The following KHDRBS1 variants were observed in gnomAD, a reference collection of about 807,000 sequenced individuals.
The protein encoded by KHDRBS1 is KH domain-containing, RNA-binding, signal transduction-associated protein 1.
KHDRBS1 carries 7 observed loss-of-function variants against 48.4 expected under a neutral mutation model. The observed-to-expected ratio is 0.14, with a 90% CI of 0.08 to 0.27. The LOEUF is 0.27. Ranked by LOEUF, KHDRBS1 falls within the 10% of genes least tolerant of loss-of-function variation. The pLI, the probability that KHDRBS1 is intolerant of heterozygous loss-of-function variation, is 1.00. For synonymous variants in KHDRBS1, 241 were observed against 235.8 expected, an observed-to-expected ratio of 1.02 and a Z score of -0.20; for missense variants, 458 against 601.2, an observed-to-expected ratio of 0.76 and a Z score of 2.49.
At chr1:32,039,661 C>CA (rs2124387159) in intron 8 of KHDRBS1, 88 bp downstream of exon 8, 1 of 785,556 alleles carries the variant, frequency 1.3e-6, no homozygotes, top group Admixed American at 1.8e-5. Flanking sequence ...GTCAGACAAA[C>CA]ACACCTACGG....
downstream of KHDRBS1, among the ~76,000 whole-genome samples, chr1:32,045,831 T>A (rs1639349887): frequency 6.6e-6 from 1 of 152,228 alleles, no homozygotes; most frequent in Admixed American, 6.5e-5. Flanking sequence ...AAACAAGGAC[T>A]GGCTCCTTGG....
chr1:32,019,287 C>A (rs547311750), intron 1 of KHDRBS1, among the ~76,000 whole-genome samples: 1 of 151,982 alleles, frequency 6.6e-6, no homozygotes, highest in African/African-American at 2.4e-5. Flanking sequence ...CAGTTTCTCA[C>A]GCCTGTAATC....
At position 32,032,909 on chromosome 1, in the gene KHDRBS1, C is replaced by T. The variant is rs544276836; in HGVS notation, c.625-279C>T. Among the ~76,000 whole-genome samples, 111 of 152,268 alleles carry T rather than the reference C, an allele frequency of 7.3e-4. 1 individual carries two copies. In the South Asian group the frequency reaches 0.017, roughly 24 times the overall value. On this transcript the variant is annotated intron_variant, in intron 3 of 8. Coordinates refer to ENST00000327300, the MANE Select transcript of KHDRBS1 (RefSeq NM_006559.3). ...TTCATCACATTGGTCAGACTGGTCT[C>T]GAACTCCTGACCTTGTGATCCTCCC...
chr1:32,057,538 C>T (rs968936341), intron 10 of KHDRBS1, among the ~76,000 whole-genome samples: 4 of 150,574 alleles, frequency 2.7e-5, no homozygotes, highest in African/African-American at 4.9e-5. Flanking sequence ...GGTGGCTTAA[C>T]GCCTGTAACC....
chr1:32,025,972 TC>T (rs201362163), intron 1 of KHDRBS1, among the ~76,000 whole-genome samples: 5,436 of 150,042 alleles, frequency 0.036, 375 homozygotes, highest in African/African-American at 0.13. Context: ...AGAGACAGGG[TC>T]TCGCTGTGTT....
At chr1:32,026,291 T>G (rs910460795) in intron 1 of KHDRBS1, among the ~76,000 whole-genome samples, 3 of 152,146 alleles carry the variant, frequency 2.0e-5, no homozygotes, top group African/African-American at 7.2e-5. Flanking sequence ...CCCAAATAGC[T>G]GGGACCACAG....
At chr1:32,017,809 G>T (rs565564452) in intron 1 of KHDRBS1, among the ~76,000 whole-genome samples, 1 of 151,782 alleles carries the variant, frequency 6.6e-6, no homozygotes, top group African/African-American at 2.4e-5. Flanking sequence ...GTTTCTCCAT[G>T]TTGGTCAGGC....
At chr1:32,035,825 T>C (rs1009123277) in intron 4 of KHDRBS1, among the ~76,000 whole-genome samples, 4 of 152,186 alleles carry the variant, frequency 2.6e-5, no homozygotes, top group African/African-American at 4.8e-5. Context: ...TCTAAAATTA[T>C]GTGGTAAGTG....
At chr1:32,015,144 A>G (rs900424044) in intron 1 of KHDRBS1, among the ~76,000 whole-genome samples, 3 of 152,136 alleles carry the variant, frequency 2.0e-5, no homozygotes, top group Admixed American at 2.0e-4. Flanking sequence ...AATTGAGAGA[A>G]GTTGCATGAT....
chr1:32,042,429 C>A, intron 8 of KHDRBS1, 98 bp from the exon 9 acceptor site: 1 of 745,012 alleles, frequency 1.3e-6, no homozygotes, highest in Non-Finnish European at 2.3e-6. Context: ...TTAGAAGAAA[C>A]TCAGTGTTTT....
chr1:32,038,990 G>A (rs928274593), intron 7 of KHDRBS1, among the ~76,000 whole-genome samples: 9 of 152,148 alleles, frequency 5.9e-5, no homozygotes, highest in African/African-American at 2.2e-4. Flanking sequence ...GAAACAAGGA[G>A]AAATGCCTTT....
At chr1:32,046,434 C>T (rs548491907), downstream of KHDRBS1, among the ~76,000 whole-genome samples, 2 of 152,284 alleles carry the variant, frequency 1.3e-5, no homozygotes, top group African/African-American at 4.8e-5. Flanking sequence ...AGGCTGGTCT[C>T]GAACTCCTGA....
chr1:32,057,133 C>T (rs1160529926), intron 10 of KHDRBS1, among the ~76,000 whole-genome samples: 4 of 152,160 alleles, frequency 2.6e-5, no homozygotes, highest in Admixed American at 2.6e-4. Flanking sequence ...ACATTATAGG[C>T]AGAGGATAGG....
Position 32,037,942 on chromosome 1 carries a change from C to G in KHDRBS1, c.1013C>G (p.Thr338Ser), listed in dbSNP as rs776474724. 1.9e-6 allele frequency: 3 copies of G among 1,614,266 alleles called. No homozygotes were observed. The highest frequency in any genetic ancestry group is 1.1e-5 in the South Asian group (1 of 91,090). The change falls in exon 6 of 9, where the codon ACT becomes AGT. Residue 338 changes from threonine (T) to serine (S), a missense_variant. Around this residue, in one of 3 missense-constraint regions of KHDRBS1, gnomAD observed 171 missense variants for 228.7 expected, o/e 0.75. Transcript: ENST00000327300. Reference sequence around the variant, plus strand: ...ACTCGAGGCGTGCCACCCCCACCTACTGTGAGGGGTGCTCCAGCACCAAGA... The same window carrying G: ...ACTCGAGGCGTGCCACCCCCACCTAGTGTGAGGGGTGCTCCAGCACCAAGA... ...TVTRGVPPPP[T>S]VRGAPAPRAR...
chr1:32,020,127 T>C (rs1282552174), intron 1 of KHDRBS1, among the ~76,000 whole-genome samples: 1 of 152,066 alleles, frequency 6.6e-6, no homozygotes, highest in African/African-American at 2.4e-5. Context: ...ATGTGCTTAT[T>C]GGCTGGGCAT....
chr1:32,042,018 T>G (rs1185090222), intron 8 of KHDRBS1, among the ~76,000 whole-genome samples: 1 of 152,186 alleles, frequency 6.6e-6, no homozygotes, highest in East Asian at 1.9e-4. Flanking sequence ...CCCAGGGAGC[T>G]AGAGGACACT....
At chr1:32,052,690 C>T (rs1444712971) in intron 10 of KHDRBS1, 1 of 152,100 alleles carries the variant, frequency 6.6e-6, no homozygotes, top group Non-Finnish European at 1.5e-5. Context: ...AGCCACTGCG[C>T]CCAGCCGAGT....
Position 32,014,313 on chromosome 1 carries a change from A to G in KHDRBS1, c.318A>G (p.Glu106=), listed in dbSNP as rs1187677322. 7.1e-6 allele frequency: 11 copies of G among 1,558,316 alleles called. No homozygotes were observed. Among genetic ancestry groups the G allele is most frequent in the Non-Finnish European group, 9.5e-6 (11 of 1,151,954 alleles). The stretch of plus-strand genomic sequence containing the variant: ...AGCCAGAGAACAAGTACCTGCCCGA[A>G]CTCATGGCCGAGAAGGACTCGCTCG... The part of the protein sequence containing the change: ...KMEPENKYLP[E]LMAEKDSLDP... The change falls in exon 1 of 9, where the codon GAA becomes GAG. Residue 106 remains glutamate, a synonymous_variant. Transcript: ENST00000327300.
chr1:32,046,155 A>G (rs1027886830), downstream of KHDRBS1, among the ~76,000 whole-genome samples: 1 of 150,780 alleles, frequency 6.6e-6, no homozygotes, highest in Non-Finnish European at 1.5e-5. Flanking sequence ...ATCCTATACT[A>G]TACTGTCCTT....
Sources: gnomAD v4.1 joint callset for allele counts (sites outside exome capture counted in the v4.1 genomes callset) on GRCh38, gnomAD v4.1.1 for gene constraint, gnomAD v4.1.1 regional missense constraint, MANE v1.5 for transcripts, NCBI Gene and HGNC (gene_info 2026-07-23, HGNC 2026-07-21) for gene names.